The following RNLS variants were observed in gnomAD, a reference collection of about 807,000 sequenced individuals.
RNLS encodes the protein renalase, FAD dependent amine oxidase, also known as renalase.
In RNLS, 39 loss-of-function variants were observed where a neutral mutation model predicts 39.8. The ratio of observed to expected loss-of-function variants is 0.98; its 90% CI spans 0.76 to 1.28. The LOEUF (loss-of-function observed/expected upper bound fraction) is 1.28, where lower values mean the gene tolerates loss of function less well. Ranked by LOEUF, RNLS falls within the 50% of genes most tolerant of loss-of-function variation. The pLI is 0.00. For missense variants in RNLS, 410 were observed against 413.3 expected (o/e 0.99, Z 0.07); for synonymous variants, 147 against 150.7 (o/e 0.98, Z 0.18).
At chr10:88,559,042 C>G (rs1406224629) in intron 4 of RNLS, among the ~76,000 whole-genome samples, 1 of 152,026 alleles carries the variant, frequency 6.6e-6, no homozygotes, top group Non-Finnish European at 1.5e-5. Context: ...CTCTTTTCAG[C>G]AAAATGTCAA....
At chr10:88,532,466 T>C (rs1847487632) in intron 4 of RNLS, among the ~76,000 whole-genome samples, 1 of 152,032 alleles carries the variant, frequency 6.6e-6, no homozygotes, top group Non-Finnish European at 1.5e-5. Context: ...TGAAATGTAA[T>C]GAAAAGCAAA....
intron 4 of RNLS, among the ~76,000 whole-genome samples, chr10:88,378,936 A>G (rs1208236115): frequency 6.6e-6 from 1 of 152,212 alleles, no homozygotes; most frequent in Non-Finnish European, 1.5e-5. Flanking sequence ...TAGTATAGAT[A>G]AATACATAAA....
intron 4 of RNLS, among the ~76,000 whole-genome samples, chr10:88,401,721 T>C (rs558222299): frequency 3.3e-5 from 5 of 152,144 alleles, no homozygotes; most frequent in South Asian, 2.1e-4. Flanking sequence ...ACTTACATTC[T>C]ACAAAAATAG....
At chr10:88,437,040 A>G (rs987966823) in intron 4 of RNLS, among the ~76,000 whole-genome samples, 26 of 152,286 alleles carry the variant, frequency 1.7e-4, no homozygotes, top group Admixed American at 1.6e-3. Context: ...GGGCTAATGT[A>G]TAATTTACAA....
chr10:88,554,899 C>G (rs1848780541), intron 4 of RNLS, among the ~76,000 whole-genome samples: 1 of 152,014 alleles, frequency 6.6e-6, no homozygotes, highest in Non-Finnish European at 1.5e-5. Context: ...TTGATCCAAC[C>G]TCATCTTCTA....
chr10:88,451,087 T>C (rs1356357575), intron 4 of RNLS, among the ~76,000 whole-genome samples: 1 of 152,124 alleles, frequency 6.6e-6, no homozygotes, highest in Non-Finnish European at 1.5e-5. Context: ...GAGATGCAAG[T>C]GTCAGATTAC....
At position 88,294,366 on chromosome 10, in the gene RNLS, C is replaced by G. The variant is rs956191889; in HGVS notation, c.877-8860G>C. 3.9e-5 allele frequency among the ~76,000 whole-genome samples: 6 copies of G among 152,030 alleles called. No homozygotes were observed. In the East Asian group the frequency reaches 9.7e-4, roughly 24 times the overall value. On this transcript the variant is annotated intron_variant, in intron 6 of 6. Coordinates refer to ENST00000331772, the MANE Select transcript of RNLS (RefSeq NM_001031709.3). ...AGATATAACTTCAGTGTTGTGGCTA[C>G]AGTGGAACAATACTATTAGCCACTG... is the stretch of plus-strand genomic sequence containing the variant.
Position 88,362,680 on chromosome 10 carries a change from G to A in RNLS, c.572C>T (p.Ser191Phe), listed in dbSNP as rs112858030. Residue 191 changes from serine to phenylalanine, a missense_variant, in exon 5 of 7, where the codon TCC becomes TTC. By Grantham distance (155) the Ser-to-Phe change is radical. Transcript: ENST00000331772. ...AAAGAGGCCCAGAGCATATCGAGAGGAGTAGCTCACAGCCTCCAGTTGCTG... is the reference window on the plus strand; with the variant it reads ...AAAGAGGCCCAGAGCATATCGAGAGAAGTAGCTCACAGCCTCCAGTTGCTG... ...QRQQLEAVSY[S>F]SRYALGLFYE... 3.1e-6 allele frequency: 5 copies of A among 1,613,864 alleles called. No homozygotes were observed. Among genetic ancestry groups the A allele is most frequent in the Non-Finnish European group, 4.2e-6 (5 of 1,179,900 alleles).
chr10:88,535,396 G>C (rs1014597426), intron 4 of RNLS, among the ~76,000 whole-genome samples: 2 of 151,582 alleles, frequency 1.3e-5, no homozygotes, highest in African/African-American at 4.8e-5. Context: ...GAGGGAAGAA[G>C]GACTTATTAT....
Position 88,522,397 on chromosome 10 carries a change from T to C in RNLS, c.526+50506A>G, listed in dbSNP as rs540652621. Among the ~76,000 whole-genome samples the C allele has an allele frequency of 7.2e-5, 11 of 152,214 alleles. No homozygotes were observed. In the South Asian group the frequency reaches 1.9e-3, roughly 26 times the overall value. ...AGATGCAATCAAAAAGATTCAGTAG[T>C]GTAAATTTCCCTAAGCAAAACCATT... On this transcript the variant is annotated intron_variant, in intron 4 of 6. Transcript: ENST00000331772.
chr10:88,438,801 C>T (rs953511386), intron 4 of RNLS, among the ~76,000 whole-genome samples: 17 of 152,274 alleles, frequency 1.1e-4, no homozygotes, highest in African/African-American at 4.1e-4. Context: ...GTTCCTTGGT[C>T]TCTGTGCATT....
In RNLS at chr10:88,485,572, C is replaced by A. The variant is rs556985667; in HGVS notation, c.526+87331G>T. 1.2e-4 allele frequency among the ~76,000 whole-genome samples: 18 copies of A among 149,136 alleles called. No individual in the cohort carries two copies. The South Asian group carries it at 3.4e-3, about 28-fold the overall frequency. ...AATAAAAGAATTACTCCAATATTGC[C>A]ATACCAGATCACTCTTCTTTTTAGT... On this transcript the variant is annotated intron_variant, in intron 4 of 6. Coordinates refer to ENST00000331772, the MANE Select transcript of RNLS (RefSeq NM_001031709.3).
At chr10:88,550,987 T>C (rs1348958264) in intron 4 of RNLS, among the ~76,000 whole-genome samples, 1 of 152,244 alleles carries the variant, frequency 6.6e-6, no homozygotes, top group Non-Finnish European at 1.5e-5. Flanking sequence ...TTCAATTTTA[T>C]AGTTTGTTCA....
chr10:88,184,708 T>C, the RNLS span, among the ~76,000 whole-genome samples: 1 of 152,150 alleles, frequency 6.6e-6, no homozygotes, highest in Admixed American at 6.6e-5. Flanking sequence ...TAGTTGACAG[T>C]AAACTAAAAT....
chr10:88,269,026 C>T (rs955237031), downstream of RNLS, among the ~76,000 whole-genome samples: 1 of 152,094 alleles, frequency 6.6e-6, no homozygotes, highest in Admixed American at 6.6e-5. Flanking sequence ...GCTGTTAAGC[C>T]CTGATGTTAG....
intron 4 of RNLS, among the ~76,000 whole-genome samples, chr10:88,454,922 A>G (rs1284386974): frequency 6.6e-6 from 1 of 152,196 alleles, no homozygotes; most frequent in African/African-American, 2.4e-5. Context: ...ATAAATACTC[A>G]TTTTTATTCA....
intron 4 of RNLS, among the ~76,000 whole-genome samples, chr10:88,468,100 T>TGA (rs1350302895): frequency 1.3e-5 from 2 of 152,126 alleles, no homozygotes; most frequent in Non-Finnish European, 2.9e-5. Context: ...AACAACAGGA[T>TGA]GAGACTGATG....
intron 4 of RNLS, among the ~76,000 whole-genome samples, chr10:88,437,050 A>G (rs1227706763): frequency 3.3e-5 from 5 of 152,266 alleles, no homozygotes; most frequent in African/African-American, 9.6e-5. Flanking sequence ...ATAATTTACA[A>G]TACTAAACAA....
intron 4 of RNLS, among the ~76,000 whole-genome samples, chr10:88,451,535 G>A (rs1236116108): frequency 2.0e-5 from 3 of 152,188 alleles, no homozygotes; most frequent in South Asian, 2.1e-4. Context: ...GCATTCAGAT[G>A]TCTCATGGGA....
Sources: allele counts gnomAD v4.1 joint callset (sites outside exome capture counted in the v4.1 genomes callset), GRCh38; gene constraint gnomAD v4.1.1; transcripts MANE v1.5; gene names NCBI Gene and HGNC (gene_info 2026-07-23, HGNC 2026-07-21).